The following CACNA2D3 variants were observed in gnomAD, a reference collection of about 807,000 sequenced individuals.
CACNA2D3 encodes calcium voltage-gated channel auxiliary subunit alpha2delta 3.
In CACNA2D3, 60 loss-of-function variants were observed where a neutral mutation model predicts 160.6. That is an observed-to-expected ratio of 0.37 (90% CI 0.30 to 0.46). The LOEUF is 0.46. Ranked by LOEUF, CACNA2D3 falls within the 20% of genes least tolerant of loss-of-function variation. The probability of loss-of-function intolerance (pLI) is 1.00; values close to 1 mark genes in which losing one functional copy is unlikely to be tolerated. For missense variants in CACNA2D3, 1,205 were observed against 1,365.0 expected (o/e 0.88, Z 1.85); for synonymous variants, 558 against 492.9 (o/e 1.13, Z -1.75).
rs553315438 is a variant in CACNA2D3 at position 54,722,922 on chromosome 3, G to A, written c.1168-29677G>A. ...TGACCCTTAGCAGAGCTCGAACGCC[G>A]TACTGGGAGGTCTGCTGCTCTCTTC... On this transcript the variant is annotated intron_variant, in intron 11 of 37. Transcript: ENST00000474759. Among the ~76,000 whole-genome samples the A allele has an allele frequency of 3.9e-5, 6 of 152,312 alleles. No homozygotes were observed. The East Asian group carries it at 7.8e-4, about 20-fold the overall frequency.
At chr3:54,955,327 CAGA>C (rs1701860284) in intron 27 of CACNA2D3, among the ~76,000 whole-genome samples, 1 of 152,142 alleles carries the variant, frequency 6.6e-6, no homozygotes, top group Non-Finnish European at 1.5e-5. Context: ...AAGCTACTCT[CAGA>C]AGAACAGATG....
At chr3:54,172,254 C>T (rs889677294) in intron 2 of CACNA2D3, among the ~76,000 whole-genome samples, 2 of 152,130 alleles carry the variant, frequency 1.3e-5, no homozygotes, top group Non-Finnish European at 2.9e-5. Flanking sequence ...TGGCAGAAAA[C>T]GTGTTATTCA....
intron 2 of CACNA2D3, among the ~76,000 whole-genome samples, chr3:54,186,641 A>C (rs976401349): frequency 6.6e-6 from 1 of 152,142 alleles, no homozygotes; most frequent in South Asian, 2.1e-4. Context: ...CTCTAATTAC[A>C]TCTCTAGTTT....
chr3:55,073,789 T>C lies in CACNA2D3; in HGVS notation c.3113T>C (p.Leu1038Pro). Residue 1038 changes from leucine to proline, a missense_variant, in exon 37 of 38, where the codon CTT becomes CCT. This residue lies in a region of CACNA2D3 where 911 missense variants were observed against 1,002.2 expected (regional missense o/e 0.91). Coordinates refer to ENST00000474759, the MANE Select transcript of CACNA2D3 (RefSeq NM_018398.3). Reference protein sequence around the residue: ...APIEIRYNESLKCERLKAQKI... With the variant: ...APIEIRYNESPKCERLKAQKI... ...AACTACAGTCAACATAATGAATCCCTTAAGTGTGAACGTCTAAAGGCCCAG... is the reference window on the plus strand; with the variant it reads ...AACTACAGTCAACATAATGAATCCCCTAAGTGTGAACGTCTAAAGGCCCAG... 1 of 1,613,482 alleles carries C rather than the reference T, an allele frequency of 6.2e-7. No homozygotes were observed. The highest frequency in any genetic ancestry group is 8.5e-7 in the Non-Finnish European group (1 of 1,179,524).
intron 27 of CACNA2D3, among the ~76,000 whole-genome samples, chr3:54,926,325 C>T (rs1701016178): frequency 6.6e-6 from 1 of 152,100 alleles, no homozygotes; most frequent in Admixed American, 6.6e-5. Context: ...GGAAGCTAGG[C>T]ACAGAAAAGC....
chr3:54,537,639 G>A (rs1483587738), intron 5 of CACNA2D3, among the ~76,000 whole-genome samples: 2 of 152,218 alleles, frequency 1.3e-5, no homozygotes, highest in Non-Finnish European at 2.9e-5. Flanking sequence ...AAGAAGACAT[G>A]GGATGCCACA....
At chr3:54,969,322 C>T (rs1210360032) in intron 28 of CACNA2D3, among the ~76,000 whole-genome samples, 2 of 140,456 alleles carry the variant, frequency 1.4e-5, no homozygotes, top group Non-Finnish European at 3.0e-5. Flanking sequence ...TGCAGTGGTG[C>T]GATCTCGACT....
intron 2 of CACNA2D3, among the ~76,000 whole-genome samples, chr3:54,140,834 G>C (rs1458282931): frequency 6.6e-6 from 1 of 152,194 alleles, no homozygotes; most frequent in East Asian, 1.9e-4. Flanking sequence ...AATAGTCTCT[G>C]TCAGAAAATA....
Position 54,816,890 on chromosome 3 carries a change from A to G in CACNA2D3, c.1398+20A>G, listed in dbSNP as rs775281353. ...CAAAAGGTAAATTCTCTTCTGTCAC[A>G]TTCCAGTCACCCCCAGAACTCACGA... On this transcript the variant is annotated intron_variant, in intron 14 of 37. Coordinates refer to ENST00000474759, the MANE Select transcript of CACNA2D3 (RefSeq NM_018398.3). The G allele has an allele frequency of 9.3e-6, 15 of 1,613,548 alleles. No individual in the cohort carries two copies. The highest frequency in any genetic ancestry group is 5.5e-5 in the South Asian group (5 of 91,034).
intron 5 of CACNA2D3, among the ~76,000 whole-genome samples, chr3:54,536,490 C>T (rs902520328): frequency 6.6e-6 from 1 of 152,222 alleles, no homozygotes; most frequent in Non-Finnish European, 1.5e-5. Flanking sequence ...TATCCATGCT[C>T]CTATGATGGG....
intron 3 of CACNA2D3, among the ~76,000 whole-genome samples, chr3:54,380,904 TG>T (rs1283511194): frequency 6.6e-6 from 1 of 152,178 alleles, no homozygotes; most frequent in Non-Finnish European, 1.5e-5. Context: ...TCTCTAACTC[TG>T]GTATTAATGA....
At chr3:54,156,599 A>G (rs1310123839) in intron 2 of CACNA2D3, among the ~76,000 whole-genome samples, 1 of 152,192 alleles carries the variant, frequency 6.6e-6, no homozygotes, top group African/African-American at 2.4e-5. Context: ...GCCACTCTGA[A>G]GCAGGGCTGG....
intron 3 of CACNA2D3, among the ~76,000 whole-genome samples, chr3:54,361,169 A>G (rs1698735762): frequency 6.6e-6 from 1 of 151,510 alleles, no homozygotes; most frequent in African/African-American, 2.4e-5. Context: ...TGTTGTTTTT[A>G]TGGAAGGTTA....
At chr3:54,969,965 T>TAAA in intron 29 of CACNA2D3, 121 bp downstream of exon 29, 24 of 483,790 alleles carry the variant, frequency 5.0e-5, no homozygotes, top group Non-Finnish European at 6.3e-5. Flanking sequence ...TGGGCCAATC[T>TAAA]AAAAAAAAAA....
intron 4 of CACNA2D3, among the ~76,000 whole-genome samples, chr3:54,491,380 A>G (rs1338280636): frequency 1.3e-5 from 2 of 152,166 alleles, no homozygotes; most frequent in Non-Finnish European, 2.9e-5. Context: ...TATTTTTGTT[A>G]CACAACTTAC....
chr3:54,483,081 A>G (rs1409581537), intron 4 of CACNA2D3, among the ~76,000 whole-genome samples: 1 of 152,218 alleles, frequency 6.6e-6, no homozygotes, highest in Non-Finnish European at 1.5e-5. Context: ...TGAGTGATGA[A>G]TCCTTTTAAA....
chr3:54,839,434 T>G (rs1398463901), intron 16 of CACNA2D3, among the ~76,000 whole-genome samples: 2 of 152,170 alleles, frequency 1.3e-5, no homozygotes, highest in Non-Finnish European at 2.9e-5. Context: ...CATGAGCATG[T>G]GCATGCCAGA....
At chr3:54,574,157 G>A (rs2106726842) in intron 8 of CACNA2D3, among the ~76,000 whole-genome samples, 1 of 152,236 alleles carries the variant, frequency 6.6e-6, no homozygotes, top group South Asian at 2.1e-4. Flanking sequence ...CCGGGTAGAT[G>A]TTTGTGGAGA....
chr3:54,378,828 A>T (rs558582613), intron 3 of CACNA2D3, among the ~76,000 whole-genome samples: 1 of 152,322 alleles, frequency 6.6e-6, no homozygotes, highest in African/African-American at 2.4e-5. Context: ...GGCTGTTTCC[A>T]TCTTCAGCAG....
Sources: allele counts gnomAD v4.1 joint callset (sites outside exome capture counted in the v4.1 genomes callset), GRCh38; gene constraint gnomAD v4.1.1; regional missense constraint gnomAD v4.1.1; transcripts MANE v1.5; gene names NCBI Gene and HGNC (gene_info 2026-07-23, HGNC 2026-07-21).